Variants in SCTR observed in about 807,000 individuals in gnomAD.
SCTR encodes pancreatic secretin receptor.
In SCTR, 56 loss-of-function variants were observed where a neutral mutation model predicts 60.8. The ratio of observed to expected loss-of-function variants is 0.92; its 90% confidence interval spans 0.74 to 1.15. The LOEUF (loss-of-function observed/expected upper bound fraction) is 1.15. Ranked by LOEUF, SCTR falls within the 50% of genes most tolerant of loss-of-function variation. The pLI is 0.00. For missense variants in SCTR, 562 were observed against 550.4 expected, an observed-to-expected ratio of 1.02 and a Z score of -0.21; for synonymous variants, 202 against 217.0, an observed-to-expected ratio of 0.93 and a Z score of 0.61.
intron 10 of SCTR, among the ~76,000 whole-genome samples, chr2:119,448,320 C>T (rs368214883): frequency 4.6e-5 from 7 of 152,220 alleles, no homozygotes; most frequent in African/African-American, 1.4e-4. Flanking sequence ...GGATCACGCA[C>T]TTCCCTAAAA....
At chr2:119,447,573 GT>G (rs1425588552) in intron 10 of SCTR, among the ~76,000 whole-genome samples, 2 of 152,032 alleles carry the variant, frequency 1.3e-5, no homozygotes, top group Non-Finnish European at 2.9e-5. Context: ...TTTTTGTTTT[GT>G]TTTTTTCTTC....
At chr2:119,449,995 AGAAAGAG>A (rs1683087694) in intron 9 of SCTR, among the ~76,000 whole-genome samples, 1 of 126,780 alleles carries the variant, frequency 7.9e-6, no homozygotes, top group Non-Finnish European at 1.7e-5. Flanking sequence ...GAAGGAAGGA[AGAAAGAG>A]GGAGGGAGGG....
intron 2 of SCTR, among the ~76,000 whole-genome samples, chr2:119,493,751 C>T (rs1472066373): frequency 2.0e-5 from 3 of 151,316 alleles, no homozygotes; most frequent in South Asian, 2.1e-4. Flanking sequence ...AAGCGATTCT[C>T]CTGCCTCAGC....
At chr2:119,479,531 T>C in intron 2 of SCTR, 1 of 152,790 alleles carries the variant, frequency 6.5e-6, no homozygotes, top group East Asian at 1.9e-4. Flanking sequence ...GCTCAGTAAG[T>C]CTGGGGTGGG....
intron 11 of SCTR, 33 bp from the exon 12 acceptor site, chr2:119,441,632 C>A (rs1462827656): frequency 6.2e-7 from 1 of 1,606,842 alleles, no homozygotes; most frequent in Non-Finnish European, 8.5e-7. Flanking sequence ...AGGGTTAGCA[C>A]AGGTGCTCAG....
intron 1 of SCTR, among the ~76,000 whole-genome samples, chr2:119,510,766 C>CT (rs1050081677): frequency 2.0e-4 from 30 of 150,374 alleles, no homozygotes; most frequent in Admixed American, 1.3e-4. Context: ...CACACTGAGC[C>CT]TTTTTTTTAA....
At chr2:119,490,248 G>T (rs1052099164) in intron 2 of SCTR, among the ~76,000 whole-genome samples, 1 of 152,244 alleles carries the variant, frequency 6.6e-6, no homozygotes, top group Non-Finnish European at 1.5e-5. Flanking sequence ...AGAGATGTCT[G>T]TTCTGTCCCT....
chr2:119,500,050 A>G (rs1455364917), intron 1 of SCTR, among the ~76,000 whole-genome samples: 2 of 152,180 alleles, frequency 1.3e-5, no homozygotes, highest in Non-Finnish European at 2.9e-5. Flanking sequence ...GACTAAATAG[A>G]CTTTTCTCAA....
At chr2:119,512,250 T>C in intron 1 of SCTR, among the ~76,000 whole-genome samples, 1 of 152,024 alleles carries the variant, frequency 6.6e-6, no homozygotes. Context: ...TCTCCAATCT[T>C]TTCATCTTTC....
chr2:119,519,851 GA>G lies in SCTR; in HGVS notation c.72+4303del, dbSNP rs71297142. Among the ~76,000 whole-genome samples, 23 of 131,122 alleles carry G rather than the reference GA, an allele frequency of 1.8e-4. 1 individual carries two copies. Among genetic ancestry groups the G allele is most frequent in the African/African-American group, 3.7e-4 (13 of 35,536 alleles). 86.0% of individuals were successfully genotyped at this position (131,122 alleles called of 152,430 possible). Reference sequence around the variant, plus strand: ...AAGAAAAAAAGAAAAGAAAAACAAAGAAAAAAAAAAGAAAAAAAAACAAAAA... The same window carrying G: ...AAGAAAAAAAGAAAAGAAAAACAAAGAAAAAAAAAGAAAAAAAAACAAAAA... On this transcript the variant is annotated intron_variant, in intron 1 of 12. Transcript: ENST00000019103.
At chr2:119,466,081 T>A (rs1241512428) in intron 4 of SCTR, among the ~76,000 whole-genome samples, 195 bp from the exon 5 acceptor site, 1 of 151,944 alleles carries the variant, frequency 6.6e-6, no homozygotes, top group East Asian at 1.9e-4. Context: ...CATCTGATGA[T>A]CCCTAAGGAT....
At chr2:119,458,591 A>ACTCT (rs1422182805) in intron 7 of SCTR, among the ~76,000 whole-genome samples, 1 of 143,780 alleles carries the variant, frequency 7.0e-6, no homozygotes, top group Admixed American at 6.9e-5. Flanking sequence ...ACAGGGCAAG[A>ACTCT]CTCTCTCTCA....
chr2:119,482,971 G>A (rs1420615462), intron 2 of SCTR, among the ~76,000 whole-genome samples: 2 of 152,222 alleles, frequency 1.3e-5, no homozygotes, highest in African/African-American at 4.8e-5. Flanking sequence ...GGAAGCAGCT[G>A]GGGCATTTCC....
chr2:119,463,364 C>T (rs1221451412), intron 6 of SCTR, among the ~76,000 whole-genome samples: 5 of 152,306 alleles, frequency 3.3e-5, no homozygotes, highest in East Asian at 3.9e-4. Flanking sequence ...TTTTACCTTT[C>T]TCCTTCTTGC....
At position 119,444,394 on chromosome 2, in the gene SCTR, C is replaced by T. The variant is rs62646443; in HGVS notation, c.1140+2365G>A. On this transcript the variant is annotated intron_variant, in intron 11 of 12. Coordinates refer to ENST00000019103, the MANE Select transcript of SCTR (RefSeq NM_002980.3). ...ATATATACGTATGAATATATATACA[C>T]ATATACGTATGAATATATATACCCA... 9.1e-3 allele frequency among the ~76,000 whole-genome samples: 50 copies of T among 5,524 alleles called. 1 individual carries two copies. Among genetic ancestry groups the T allele is most frequent in the Middle Eastern group, 0.17 (2 of 12 alleles). The allele number at this position is 5,524 out of a possible 152,430, so 3.6% of individuals were successfully genotyped here. A position where few individuals can be genotyped will look rare whatever the true frequency, so the allele number is the denominator to read the frequency against.
intron 7 of SCTR, among the ~76,000 whole-genome samples, chr2:119,457,609 A>T (rs1683423276): frequency 6.6e-6 from 1 of 152,234 alleles, no homozygotes; most frequent in Non-Finnish European, 1.5e-5. Context: ...GCTAGTTAGG[A>T]GGCTGAGCCA....
At chr2:119,481,516 T>C (rs1454333602) in intron 2 of SCTR, among the ~76,000 whole-genome samples, 1 of 152,218 alleles carries the variant, frequency 6.6e-6, no homozygotes, top group Non-Finnish European at 1.5e-5. Context: ...TTTGAGAATT[T>C]CCACTCTGAG....
At chr2:119,523,041 C>A (rs563968370) in intron 1 of SCTR, among the ~76,000 whole-genome samples, 1 of 152,210 alleles carries the variant, frequency 6.6e-6, no homozygotes, top group East Asian at 1.9e-4. Context: ...CTGGTCGGCT[C>A]CGGGAGCATT....
chr2:119,501,807 A>G (rs1020680286), intron 1 of SCTR, among the ~76,000 whole-genome samples: 4 of 152,238 alleles, frequency 2.6e-5, no homozygotes, highest in African/African-American at 7.2e-5. Flanking sequence ...CTATTTGCAG[A>G]TAACATGACT....
Sources: gnomAD v4.1 joint callset for allele counts (sites outside exome capture counted in the v4.1 genomes callset) on GRCh38, gnomAD v4.1.1 for gene constraint, MANE v1.5 for transcripts, NCBI Gene and HGNC (gene_info 2026-07-23, HGNC 2026-07-21) for gene names.